The following GRM8 variants were observed in gnomAD, a reference collection of about 807,000 sequenced individuals.
The protein encoded by GRM8 is metabotropic glutamate receptor 8.
Under a neutral mutation model 87.2 loss-of-function variants are expected in GRM8, and 47 were observed. That is an observed-to-expected ratio of 0.54 (90% CI 0.43 to 0.69). The LOEUF is 0.69. GRM8 is among the 30% of genes least tolerant of loss of function. The pLI, the probability that GRM8 is intolerant of heterozygous loss-of-function variation, is 0.00. For missense variants in GRM8, 1,019 were observed against 1,139.2 expected, an observed-to-expected ratio of 0.89 and a Z score of 1.52; for synonymous variants, 396 against 404.5, an observed-to-expected ratio of 0.98 and a Z score of 0.25.
At position 126,688,946 on chromosome 7, in the gene GRM8, A is replaced by G. The variant is rs147198142; in HGVS notation, c.1358-79448T>C. Among the ~76,000 whole-genome samples, 596 of 152,272 alleles carry G rather than the reference A, an allele frequency of 3.9e-3. 3 individuals are homozygous for G. The highest frequency in any genetic ancestry group is 6.7e-3 in the Non-Finnish European group (455 of 68,004). Reference sequence around the variant, plus strand: ...ACAGTGCTTTATTCACCCGCAAAGGAGCAACTGCATCTTTCCATTGGTTCC... The same window carrying G: ...ACAGTGCTTTATTCACCCGCAAAGGGGCAACTGCATCTTTCCATTGGTTCC... On this transcript the variant is annotated intron_variant, in intron 7 of 10. Transcript: ENST00000339582.
At chr7:127,137,996 C>T (rs1421016888) in intron 2 of GRM8, among the ~76,000 whole-genome samples, 1 of 152,172 alleles carries the variant, frequency 6.6e-6, no homozygotes, top group Non-Finnish European at 1.5e-5. Context: ...GTCAAGATTA[C>T]AGCAGCCTGT....
At chr7:126,703,210 C>T (rs1810127554) in intron 7 of GRM8, among the ~76,000 whole-genome samples, 1 of 152,120 alleles carries the variant, frequency 6.6e-6, no homozygotes, top group African/African-American at 2.4e-5. Flanking sequence ...AGGACTATGT[C>T]AGTAGTACTA....
Position 126,713,304 on chromosome 7 carries a change from GA to G in GRM8, c.1357+56560del. On this transcript the variant is annotated intron_variant, in intron 7 of 10. Coordinates refer to ENST00000339582, the MANE Select transcript of GRM8 (RefSeq NM_000845.3). ...AGTTCATATCCTCTGCAGGGACAGG[GA>G]TGAAGCTGGGTACCATCATTCTCAG... Among the ~76,000 whole-genome samples the G allele has an allele frequency of 1.3e-5, 2 of 152,264 alleles. 1 individual carries two copies. Among genetic ancestry groups the G allele is most frequent in the South Asian group, 4.1e-4 (2 of 4,826 alleles).
intron 6 of GRM8, among the ~76,000 whole-genome samples, chr7:126,859,981 T>C (rs1291938392): frequency 7.2e-6 from 1 of 138,554 alleles, no homozygotes; most frequent in Non-Finnish European, 1.5e-5. Flanking sequence ...GAGGAATTTA[T>C]TTCTCAAATT....
chr7:126,488,478 C>A (rs1563062296), intron 9 of GRM8, among the ~76,000 whole-genome samples: 2 of 151,950 alleles, frequency 1.3e-5, no homozygotes, highest in African/African-American at 2.4e-5. Context: ...TACCTAACAT[C>A]CATCCACAAT....
chr7:126,459,930 A>G (rs1584684632), intron 9 of GRM8, among the ~76,000 whole-genome samples: 1 of 151,528 alleles, frequency 6.6e-6, no homozygotes, highest in Admixed American at 6.6e-5. Flanking sequence ...AAGGATCATG[A>G]CCTGCCATGA....
intron 7 of GRM8, among the ~76,000 whole-genome samples, chr7:126,704,831 C>G (rs534548344): frequency 5.9e-5 from 9 of 152,218 alleles, no homozygotes; most frequent in African/African-American, 2.2e-4. Flanking sequence ...CAATGGTGCC[C>G]GAAACTTCAT....
chr7:127,182,255 C>G (rs994274982), intron 2 of GRM8, among the ~76,000 whole-genome samples: 1 of 152,070 alleles, frequency 6.6e-6, no homozygotes. Context: ...TGCTCAACAT[C>G]ACTAATGATC....
At chr7:126,954,289 C>T (rs763969255) in intron 3 of GRM8, among the ~76,000 whole-genome samples, 10 of 152,108 alleles carry the variant, frequency 6.6e-5, no homozygotes, top group Admixed American at 1.3e-4. Flanking sequence ...CACTTTATTG[C>T]CAGTCACGGG....
rs535062491 is a variant in GRM8 at position 126,722,728 on chromosome 7, G to A, written c.1357+47137C>T. 1.3e-4 allele frequency among the ~76,000 whole-genome samples: 19 copies of A among 151,496 alleles called. No individual in the cohort carries two copies. The South Asian group carries it at 1.9e-3, about 15-fold the overall frequency. On this transcript the variant is annotated intron_variant, in intron 7 of 10. Transcript: ENST00000339582. ...CTTCTGTTTTGAGCAGTCTTCTTAC[G>A]TATCACAATAATAATTGTGGGTCAT... is the stretch of plus-strand genomic sequence containing the variant.
At chr7:126,840,799 C>A (rs780698151) in intron 6 of GRM8, among the ~76,000 whole-genome samples, 1 of 152,064 alleles carries the variant, frequency 6.6e-6, no homozygotes, top group African/African-American at 2.4e-5. Flanking sequence ...TTCATTTTAA[C>A]GGTAGAAATT....
intron 7 of GRM8, among the ~76,000 whole-genome samples, chr7:126,610,176 G>A (rs896613812): frequency 4.6e-5 from 7 of 152,126 alleles, no homozygotes; most frequent in East Asian, 3.9e-4. Context: ...CATTCCTCTC[G>A]GAAGTTTTCA....
intron 3 of GRM8, among the ~76,000 whole-genome samples, chr7:127,053,802 G>GGT (rs1364644569): frequency 7.3e-6 from 1 of 136,544 alleles, no homozygotes; most frequent in Non-Finnish European, 1.6e-5. Flanking sequence ...AAAAAAAGGG[G>GGT]GGGGGGAATA....
At chr7:126,986,256 T>C (rs1432573029) in intron 3 of GRM8, among the ~76,000 whole-genome samples, 1 of 152,158 alleles carries the variant, frequency 6.6e-6, no homozygotes, top group African/African-American at 2.4e-5. Flanking sequence ...ATGATCCTCC[T>C]GCCTCTGCCT....
intron 6 of GRM8, among the ~76,000 whole-genome samples, chr7:126,795,786 G>A (rs975290240): frequency 7.9e-5 from 12 of 152,094 alleles, no homozygotes; most frequent in African/African-American, 2.7e-4. Context: ...ACACAGTAAG[G>A]GAGAAGATTA....
At chr7:126,845,721 T>TACAC (rs1442882567) in intron 6 of GRM8, among the ~76,000 whole-genome samples, 2 of 152,182 alleles carry the variant, frequency 1.3e-5, no homozygotes, top group African/African-American at 4.8e-5. Flanking sequence ...AAAAATAATA[T>TACAC]ACACAACAAA....
chr7:126,551,124 G>A (rs531615231), intron 8 of GRM8, among the ~76,000 whole-genome samples: 1 of 152,162 alleles, frequency 6.6e-6, no homozygotes, highest in East Asian at 1.9e-4. Flanking sequence ...TGACATAGTT[G>A]TATTCTTTAA....
chr7:126,955,447 C>T (rs1808581023), intron 3 of GRM8, among the ~76,000 whole-genome samples: 1 of 152,122 alleles, frequency 6.6e-6, no homozygotes, highest in South Asian at 2.1e-4. Flanking sequence ...ATTCTTTCTG[C>T]TGACTAGGAA....
chr7:127,041,523 T>C (rs1270366367), intron 3 of GRM8, among the ~76,000 whole-genome samples: 1 of 152,188 alleles, frequency 6.6e-6, no homozygotes, highest in Non-Finnish European at 1.5e-5. Context: ...CAAAATGTAT[T>C]CTCTACCATT....
Sources: allele counts gnomAD v4.1 joint callset (sites outside exome capture counted in the v4.1 genomes callset), GRCh38; gene constraint gnomAD v4.1.1; transcripts MANE v1.5; gene names NCBI Gene and HGNC (gene_info 2026-07-23, HGNC 2026-07-21).